Variants in AOPEP observed in about 807,000 individuals in gnomAD.
AOPEP encodes the protein aminopeptidase O (putative).
A neutral mutation model predicts 98.1 loss-of-function variants in AOPEP; 77 were observed. The ratio of observed to expected loss-of-function variants is 0.78; its 90% CI spans 0.65 to 0.95. AOPEP has a LOEUF of 0.95. AOPEP is among the 40% of genes least tolerant of loss of function. AOPEP has a pLI of 0.00. For missense variants in AOPEP, 1,024 were observed against 1,024.7 expected (o/e 1.00, Z 0.01); for synonymous variants, 346 against 365.3 (o/e 0.95, Z 0.60).
Position 94,743,167 on chromosome 9 carries a change from A to AAAGAAGAAGAAG in AOPEP, c.-136+16439_-135-16448dup, listed in dbSNP as rs138111726. On this transcript the variant is annotated intron_variant, in intron 1 of 16. Transcript: ENST00000375315. ...AAACTTGCTTTCACTTTGCAATATA[A>AAAGAAGAAGAAG]AAGAAGAAGAAGAAGAAGAAGAAGA... 1.0e-3 allele frequency among the ~76,000 whole-genome samples: 146 copies of AAAGAAGAAGAAG among 142,790 alleles called. 1 individual carries two copies. The South Asian group carries it at 0.012, about 12-fold the overall frequency. The allele number at this position is 142,790 out of a possible 152,430, so 93.7% of individuals were successfully genotyped here.
At chr9:95,139,400 T>C in the AOPEP span, among the ~76,000 whole-genome samples, 60 of 152,286 alleles carry the variant, frequency 3.9e-4, no homozygotes, top group Non-Finnish European at 7.9e-4. Flanking sequence ...CACAGCCCCG[T>C]GTTAATCATC....
At chr9:95,126,766 T>G in the AOPEP span, 20 of 628,166 alleles carry the variant, frequency 3.2e-5, no homozygotes, top group Non-Finnish European at 5.7e-5. Flanking sequence ...TACGGTGGTC[T>G]CCCTGGGCAG....
chr9:94,804,998 G>A (rs974198306), intron 5 of AOPEP, among the ~76,000 whole-genome samples: 7 of 152,152 alleles, frequency 4.6e-5, no homozygotes, highest in Non-Finnish European at 8.8e-5. Context: ...TCATGGGTTG[G>A]AGGAGTAGAA....
intron 1 of AOPEP, among the ~76,000 whole-genome samples, chr9:94,728,272 C>CACACACACA (rs61409656): frequency 1.3e-5 from 2 of 151,432 alleles, no homozygotes; most frequent in East Asian, 1.9e-4. Flanking sequence ...CACACACACA[C>CACACACACA]CATCCTTATT....
chr9:94,792,946 G>GAA (rs55826214), intron 4 of AOPEP, 28 bp downstream of exon 4: 1,613 of 1,262,296 alleles, frequency 1.3e-3, no homozygotes, highest in African/African-American at 5.1e-3. Context: ...TGCTGGGAAG[G>GAA]AAAAAAAAAA....
the AOPEP span, among the ~76,000 whole-genome samples, chr9:95,098,829 C>A: frequency 1.3e-5 from 2 of 152,224 alleles, no homozygotes; most frequent in Non-Finnish European, 2.9e-5. Context: ...CTGATCTTGG[C>A]AGGCCCTGCC....
the AOPEP span, chr9:95,126,527 A>G: frequency 6.2e-7 from 1 of 1,613,868 alleles, no homozygotes; most frequent in Non-Finnish European, 8.5e-7. Flanking sequence ...TGTAACGTTT[A>G]CCTGAACATC....
At chr9:94,727,288 T>C (rs912970506) in intron 1 of AOPEP, among the ~76,000 whole-genome samples, 2 of 152,190 alleles carry the variant, frequency 1.3e-5, no homozygotes, top group African/African-American at 2.4e-5. Context: ...CATGAACGCA[T>C]GCATGGGCGG....
At chr9:94,819,849 A>G (rs1425792134) in intron 5 of AOPEP, among the ~76,000 whole-genome samples, 6 of 151,946 alleles carry the variant, frequency 3.9e-5, no homozygotes, top group African/African-American at 9.7e-5. Context: ...CTGGGATTAC[A>G]GGAATGAGCC....
intron 1 of AOPEP, among the ~76,000 whole-genome samples, chr9:94,728,627 CA>C (rs944234975): frequency 2.6e-4 from 39 of 152,172 alleles, no homozygotes; most frequent in African/African-American, 9.4e-4. Flanking sequence ...CTGGAACATT[CA>C]CATTTGTGAG....
At chr9:94,909,123 G>A (rs927325469) in intron 5 of AOPEP, among the ~76,000 whole-genome samples, 1 of 152,114 alleles carries the variant, frequency 6.6e-6, no homozygotes, top group Non-Finnish European at 1.5e-5. Flanking sequence ...CAGTGAGTCC[G>A]TGAATGGAAA....
At chr9:94,910,443 C>T (rs3847311) in intron 5 of AOPEP, among the ~76,000 whole-genome samples, 129,262 of 152,220 alleles carry the variant, frequency 0.85, 56,620 homozygotes, top group Non-Finnish European at 0.95. Context: ...TTGCAGCACG[C>T]AGCACATCAA....
intron 13 of AOPEP, among the ~76,000 whole-genome samples, chr9:95,041,046 C>T (rs1321606902): frequency 1.6e-5 from 1 of 60,710 alleles, no homozygotes; most frequent in Non-Finnish European, 5.0e-5. Flanking sequence ...AGTCTCCACA[C>T]TCCAAAAAAA....
the AOPEP span, chr9:95,123,717 A>C: frequency 1.4e-6 from 1 of 689,918 alleles, no homozygotes; most frequent in Non-Finnish European, 2.7e-6. Context: ...GTGCTTCCCA[A>C]GCTGTATTTG....
chr9:94,871,505 C>G (rs1220778474), intron 5 of AOPEP, among the ~76,000 whole-genome samples: 2 of 152,178 alleles, frequency 1.3e-5, no homozygotes, highest in African/African-American at 4.8e-5. Context: ...CAGAGATTGT[C>G]TGATTGAAGA....
chr9:94,820,871 G>GC (rs1200058868), intron 5 of AOPEP, among the ~76,000 whole-genome samples: 4 of 152,148 alleles, frequency 2.6e-5, no homozygotes, highest in Non-Finnish European at 5.9e-5. Context: ...GAAGTCTCTC[G>GC]CCCCCAACCT....
intron 14 of AOPEP, among the ~76,000 whole-genome samples, chr9:95,080,265 C>T (rs1288573288): frequency 2.0e-5 from 3 of 152,184 alleles, no homozygotes; most frequent in African/African-American, 7.2e-5. Flanking sequence ...CGGTGGCTGA[C>T]GCCTGTAATC....
intron 7 of AOPEP, among the ~76,000 whole-genome samples, chr9:94,945,507 G>C (rs2057515670): frequency 6.6e-6 from 1 of 152,178 alleles, no homozygotes; most frequent in South Asian, 2.1e-4. Flanking sequence ...GCTGAGAAGA[G>C]AGCTCCTCTG....
the AOPEP span, among the ~76,000 whole-genome samples, chr9:95,093,191 G>C: frequency 0.018 from 2,682 of 152,330 alleles, 36 homozygotes; most frequent in Non-Finnish European, 0.028. Flanking sequence ...TTTTAGCACA[G>C]CTGAGGCAGA....
Sources: gnomAD v4.1 joint callset for allele counts (sites outside exome capture counted in the v4.1 genomes callset) on GRCh38, gnomAD v4.1.1 for gene constraint, MANE v1.5 for transcripts, NCBI Gene and HGNC (gene_info 2026-07-23, HGNC 2026-07-21) for gene names.